TTLL8: variants seen among roughly 807,000 people sequenced by gnomAD.
TTLL8 encodes protein monoglycylase TTLL8.
In TTLL8, 65 loss-of-function variants were observed where a neutral mutation model predicts 77.8. The ratio of observed to expected loss-of-function variants is 0.84; its 90% confidence interval spans 0.68 to 1.03. The LOEUF is 1.03. Ranked by LOEUF, TTLL8 falls within the 50% of genes least tolerant of loss-of-function variation. The pLI is 0.00. For missense variants in TTLL8, 910 were observed against 1,004.5 expected, an observed-to-expected ratio of 0.91 and a Z score of 1.27; for synonymous variants, 402 against 422.8, an observed-to-expected ratio of 0.95 and a Z score of 0.60.
At position 50,041,393 on chromosome 22, in the gene TTLL8, C is replaced by T. The variant is rs1213222379; in HGVS notation, c.831-116G>A. ...CAAGATCCAGACAGACACCCCAATA[C>T]CCAACAAGTATCCCAGACATCCAGA... On this transcript the variant is annotated intron_variant, in intron 7 of 13. Transcript: ENST00000266182. This position sits in a 1 kb window ranked among gnomAD's most constrained non-coding sequence, Gnocchi z 4.3. 3.6e-5 allele frequency: 33 copies of T among 920,616 alleles called. No individual in the cohort carries two copies. The highest frequency in any genetic ancestry group is 5.1e-5 in the Non-Finnish European group (33 of 650,748). 57.0% of individuals were successfully genotyped at this position (920,616 alleles called of 1,614,324 possible).
exon 10 of TTLL8, chr22:50,033,410 C>T (rs2146653432): frequency 7.3e-7 from 1 of 1,365,284 alleles, no homozygotes. Context: ...GCTGCCAGCT[C>T]CAGGATCTCC....
At chr22:50,039,808 G>T (rs1192688467) in intron 8 of TTLL8, among the ~76,000 whole-genome samples, 1 of 151,224 alleles carries the variant, frequency 6.6e-6, no homozygotes, top group Non-Finnish European at 1.5e-5. Flanking sequence ...GACCTCACAT[G>T]TATCAGCGTG....
chr22:50,045,134 C>T (rs1364566221), intron 6 of TTLL8, 121 bp downstream of exon 8: 7 of 1,105,020 alleles, frequency 6.3e-6, no homozygotes, highest in Admixed American at 6.5e-5. Flanking sequence ...TCTGAGGCAT[C>T]GCTGTATCCA....
Position 50,041,173 on chromosome 22 carries a change from C to G in TTLL8, c.921+14G>C. The G allele has an allele frequency of 2.3e-6, 1 of 425,584 alleles. No individual in the cohort carries two copies. Among genetic ancestry groups the G allele is most frequent in the Non-Finnish European group, 4.6e-6 (1 of 215,458 alleles). The allele number at this position is 425,584 out of a possible 1,614,324, so 26.4% of individuals were successfully genotyped here. A position where few individuals can be genotyped will look rare whatever the true frequency, so the allele number is the denominator to read the frequency against. On this transcript the variant is annotated intron_variant, in intron 8 of 13. Coordinates refer to ENST00000266182, the Ensembl canonical transcript of TTLL8. This position sits in a 1 kb window ranked among gnomAD's most constrained non-coding sequence, Gnocchi z 4.3. ...TGAGGCAGGTGCCCCAGTGGAGAGA[C>G]AGACAAACCCCACCTGCCTGTCTCG...
At chr22:50,037,433 C>T (rs945519752) in intron 8 of TTLL8, among the ~76,000 whole-genome samples, 1 of 152,214 alleles carries the variant, frequency 6.6e-6, no homozygotes, top group Non-Finnish European at 1.5e-5. Context: ...TCTGGAACTC[C>T]TGACCTCATG....
rs1010786452 is a variant in TTLL8, at chr22:50,043,738, A to C, written c.643+1517T>G. On this transcript the variant is annotated intron_variant, in intron 6 of 13. Coordinates refer to ENST00000266182, the Ensembl canonical transcript of TTLL8. ...AAAGACCTGGAGGGATCTTAAATGCATATTACTAAGTCGAAGAAGCCCATC... is the reference window on the plus strand; with the variant it reads ...AAAGACCTGGAGGGATCTTAAATGCCTATTACTAAGTCGAAGAAGCCCATC... 3.3e-5 allele frequency among the ~76,000 whole-genome samples: 5 copies of C among 152,346 alleles called. No individual in the cohort carries two copies. The South Asian group carries it at 1.0e-3, about 32-fold the overall frequency.
upstream of TTLL8, among the ~76,000 whole-genome samples, chr22:50,056,269 A>G (rs2061470370): frequency 6.6e-6 from 1 of 152,164 alleles, no homozygotes; most frequent in Non-Finnish European, 1.5e-5. The surrounding 1 kb of genome is among the most constrained non-coding windows in gnomAD (Gnocchi z 4.1). Context: ...CCGCACTCCG[A>G]GAAGGAAGAG....
upstream of TTLL8, chr22:50,055,329 C>T: frequency 7.8e-7 from 1 of 1,289,656 alleles, no homozygotes; most frequent in Non-Finnish European, 1.0e-6. Flanking sequence ...TTTAATTCTG[C>T]AAAAGAGAAG....
intron 8 of TTLL8, among the ~76,000 whole-genome samples, chr22:50,040,858 G>C (rs2061366035): frequency 6.6e-6 from 1 of 152,110 alleles, no homozygotes; most frequent in Admixed American, 6.5e-5. Context: ...CCTCTGCCCA[G>C]CTCCTCTCTC....
intron 3 of TTLL8, 92 bp from the exon 6 acceptor site, chr22:50,047,388 G>T (rs1238442212): frequency 4.5e-6 from 5 of 1,105,010 alleles, no homozygotes; most frequent in African/African-American, 1.6e-5. Flanking sequence ...GAGGACAAAT[G>T]GCGTGCAGCG....
chr22:50,057,185 G>GATGGGAGTCAGGTCTGGA, upstream of TTLL8, among the ~76,000 whole-genome samples: 1 of 139,394 alleles, frequency 7.2e-6, no homozygotes, highest in African/African-American at 2.7e-5. Context: ...CAGGTCTGGG[G>GATGGGAGTCAGGTCTGGA]TTGGGGGTCA....
chr22:50,043,070 A>G (rs936517480), intron 6 of TTLL8, among the ~76,000 whole-genome samples: 14 of 152,256 alleles, frequency 9.2e-5, no homozygotes, highest in Admixed American at 5.2e-4. Context: ...ATGATCGTCA[A>G]AACCTGGAAG....
At chr22:50,056,734 C>A, upstream of TTLL8, 1 of 1,266,646 alleles carries the variant, frequency 7.9e-7, no homozygotes, top group Non-Finnish European at 1.0e-6. This position sits in a 1 kb window ranked among gnomAD's most constrained non-coding sequence, Gnocchi z 4.1. Flanking sequence ...AGAGAAGGCG[C>A]CTGGTTCTGC....
At chr22:50,035,962 G>T (rs1385638561) in intron 8 of TTLL8, among the ~76,000 whole-genome samples, 2 of 152,244 alleles carry the variant, frequency 1.3e-5, no homozygotes, top group Admixed American at 6.5e-5. Context: ...GGGGGAGAAG[G>T]CTGTGAGCAG....
chr22:50,040,293 C>G (rs1325686701), intron 8 of TTLL8, among the ~76,000 whole-genome samples: 1 of 151,802 alleles, frequency 6.6e-6, no homozygotes, highest in African/African-American at 2.4e-5. Context: ...CCTCATGGAC[C>G]TCACGTGTAA....
Position 50,033,467 on chromosome 22 carries a change from C to T in TTLL8, c.1040-22G>A, listed in dbSNP as rs780247756. Reference sequence around the variant, plus strand: ...ATGTCTGCAAGAGGCCACCGCTCAACCCAGCATGCACAGCCACTGTGCAGC... The same window carrying T: ...ATGTCTGCAAGAGGCCACCGCTCAATCCAGCATGCACAGCCACTGTGCAGC... On this transcript the variant is annotated intron_variant, in intron 9 of 13. Transcript: ENST00000266182. 7.4e-6 allele frequency: 10 copies of T among 1,351,308 alleles called. 1 individual carries two copies. In the South Asian group the frequency reaches 1.1e-4, roughly 15 times the overall value. 83.7% of individuals were successfully genotyped at this position (1,351,308 alleles called of 1,614,324 possible).
chr22:50,018,645 A>T (rs1203226175), intron 12 of TTLL8, among the ~76,000 whole-genome samples: 2 of 152,234 alleles, frequency 1.3e-5, no homozygotes, highest in African/African-American at 4.8e-5. Context: ...TAGAACTGAC[A>T]GCTCCCCTTG....
At chr22:50,047,562 G>A (rs552565754) in intron 3 of TTLL8, among the ~76,000 whole-genome samples, 114 of 152,286 alleles carry the variant, frequency 7.5e-4, no homozygotes, top group African/African-American at 2.5e-3. Context: ...TGAGCCGTCC[G>A]CATGGGGTCT....
At chr22:50,058,190 G>A (rs2061497350), upstream of TTLL8, among the ~76,000 whole-genome samples, 1 of 151,818 alleles carries the variant, frequency 6.6e-6, no homozygotes. This position sits in a 1 kb window ranked among gnomAD's most constrained non-coding sequence, Gnocchi z 4.2. Flanking sequence ...GCGCCGCCCG[G>A]CTTCCTGGGG....
Sources: allele counts gnomAD v4.1 joint callset (sites outside exome capture counted in the v4.1 genomes callset), GRCh38; gene constraint gnomAD v4.1.1; non-coding constraint Gnocchi (gnomAD v3.1); transcripts MANE v1.5; gene names NCBI Gene and HGNC (gene_info 2026-07-23, HGNC 2026-07-21).